Variants in PSG7 observed in about 807,000 individuals in gnomAD.
PSG7 encodes pregnancy-specific beta-1-glycoprotein 7.
In PSG7, 57 loss-of-function variants were observed where a neutral mutation model predicts 45.6. That is an observed-to-expected ratio of 1.25 (90% CI 1.01 to 1.56). The LOEUF is 1.56. Among genes scored for constraint, PSG7 ranks in the 40% most tolerant of loss-of-function variants. The pLI is 0.00. For synonymous variants in PSG7, 298 were observed against 194.4 expected (o/e 1.53, Z -4.43); for missense variants, 796 against 508.4 (o/e 1.57, Z -5.44).
chr19:42,925,603 A>G (rs1475790478), intron 5 of PSG7, 170 bp downstream of exon 5: 24 of 1,453,860 alleles, frequency 1.7e-5, no homozygotes, highest in Middle Eastern at 2.6e-4. Context: ...CCTGTTTGTT[A>G]AAGTTTTCGA....
chr19:42,935,513 C>A lies in PSG7; in HGVS notation c.321G>T (p.Leu107=). Residue 107 remains leucine, a synonymous_variant, in exon 2 of 6, where the codon CTG becomes CTT. Transcript: ENST00000406070. Reference sequence around the variant, plus strand: ...CTTCCTGGGTGACATTCTGGATCAGCAGGGATGCATTGGAATATACTGTTT... The same window carrying A: ...CTTCCTGGGTGACATTCTGGATCAGAAGGGATGCATTGGAATATACTGTTT... ...GRETVYSNAS[L]LIQNVTQEDT... is the part of the protein sequence containing the mutation. 1 of 1,612,224 alleles carries A rather than the reference C, an allele frequency of 6.2e-7. No individual in the cohort carries two copies. Among genetic ancestry groups the A allele is most frequent in the East Asian group, 2.2e-5 (1 of 44,772 alleles).
chr19:42,925,725 T>C (rs1972866931), intron 5 of PSG7, 48 bp downstream of exon 5: 2 of 1,610,332 alleles, frequency 1.2e-6, no homozygotes, highest in Admixed American at 1.7e-5. Context: ...GAAAGTCAGA[T>C]AGACTGCACC....
rs754987684 is a variant in PSG7 at position 42,937,025 on chromosome 19, G to C, written c.52C>G (p.Leu18Val). 54 of 1,611,372 alleles carry C rather than the reference G, an allele frequency of 3.4e-5. 2 individuals carry two copies. Among genetic ancestry groups the C allele is most frequent in the South Asian group, 6.6e-5 (6 of 90,786 alleles). ...PCTQHITWKG[L>V]LLTASLLNFW... ...GTTCTCTCCTCACCTGTGAGCAGGAGCCCTTTCCAGGTTATATGCTGTGTG... is the reference window on the plus strand; with the variant it reads ...GTTCTCTCCTCACCTGTGAGCAGGACCCCTTTCCAGGTTATATGCTGTGTG... Residue 18 changes from leucine to valine, a missense_variant, in exon 1 of 6, where the codon CTC becomes GTC. Leu to Val is a conservative substitution (Grantham distance 32). Coordinates refer to ENST00000406070, the MANE Select transcript of PSG7 (RefSeq NM_002783.3).
At chr19:42,931,429 G>A (rs919517309) in intron 2 of PSG7, among the ~76,000 whole-genome samples, 1 of 151,490 alleles carries the variant, frequency 6.6e-6, no homozygotes, top group Non-Finnish European at 1.5e-5. Flanking sequence ...AAGAGAGGAA[G>A]GATGCCAAAT....
chr19:42,926,510 C>T lies in PSG7; in HGVS notation c.916G>A (p.Gly306Arg), dbSNP rs772821940. The change falls in exon 4 of 6, where the codon GGA becomes AGA. Residue 306 changes from glycine to arginine, a missense_variant. Coordinates refer to ENST00000406070, the MANE Select transcript of PSG7 (RefSeq NM_002783.3). ...TCCCGTATTTCACATTGATAGGGTC[C>T]TGTTTCATTTCTCGTGACACTGGGT... ...ILPSVTRNET[G>R]PYQCEIRDRY... 2.5e-6 allele frequency: 4 copies of T among 1,611,292 alleles called. No homozygotes were observed. The highest frequency in any genetic ancestry group is 3.4e-6 in the Non-Finnish European group (4 of 1,179,008).
At chr19:42,934,951 T>C (rs115396139) in intron 2 of PSG7, among the ~76,000 whole-genome samples, 4,405 of 151,620 alleles carry the variant, frequency 0.029, 282 homozygotes, top group African/African-American at 0.1. Context: ...CAAGAAACCA[T>C]AACCCAGTCC....
At chr19:42,933,307 A>ATATATATTTTTTTTTTTTTTTTTT (rs56691588) in intron 2 of PSG7, among the ~76,000 whole-genome samples, 1 of 13,506 alleles carries the variant, frequency 7.4e-5, no homozygotes, top group African/African-American at 1.7e-4. Context: ...ATATATATAT[A>ATATATATTTTTTTTTTTTTTTTTT]TTTTTTTTTT....
rs1455496075 is a variant in PSG7, at chr19:42,936,884, T to C, written c.64+129A>G. ...GACTGATCTTGAACTCCTGATCTCT[T>C]GATCCACCCACCTCAGCCTCCCAAA... On this transcript the variant is annotated intron_variant, in intron 1 of 5. Transcript: ENST00000406070. 6 of 1,392,530 alleles carry C rather than the reference T, an allele frequency of 4.3e-6. No individual in the cohort carries two copies. In the East Asian group the frequency reaches 1.2e-4, roughly 28 times the overall value. The allele number at this position is 1,392,530 out of a possible 1,614,324, so 86.3% of individuals were successfully genotyped here. A position where few individuals can be genotyped will look rare whatever the true frequency, so the allele number is the denominator to read the frequency against.
rs376480204 is a variant in PSG7, at chr19:42,926,489, G to A, written c.937C>T (p.Arg313Trp). The A allele has an allele frequency of 5.2e-5, 84 of 1,611,454 alleles. 2 individuals are homozygous for A. Among genetic ancestry groups the A allele is most frequent in the Non-Finnish European group, 6.3e-5 (74 of 1,178,962 alleles). ...NETGPYQCEI[R>W]DRYGGIRSDP... ...CTGCGGATGCCACCATATCGGTCCC[G>A]TATTTCACATTGATAGGGTCCTGTT... The change falls in exon 4 of 6, where the codon CGG becomes TGG. Residue 313 changes from arginine to tryptophan, a missense_variant. Coordinates refer to ENST00000406070, the MANE Select transcript of PSG7 (RefSeq NM_002783.3).
chr19:42,935,000 A>G (rs1211809933), intron 2 of PSG7, among the ~76,000 whole-genome samples: 4 of 151,612 alleles, frequency 2.6e-5, no homozygotes, highest in Admixed American at 2.6e-4. Flanking sequence ...GCAAGGATTT[A>G]GGGACAGGGG....
In PSG7 at chr19:42,936,725, G is replaced by A. The variant is rs1568461918; in HGVS notation, c.64+288C>T. On this transcript the variant is annotated intron_variant, in intron 1 of 5. Transcript: ENST00000406070. ...TGCAGTGGTGCTATCTCGGCTAGCT[G>A]CAACTTCTGCCTCCCGGGTTCATGT... 1.3e-5 allele frequency among the ~76,000 whole-genome samples: 2 copies of A among 151,084 alleles called. 1 individual carries two copies.
chr19:42,928,744 C>A (rs1169573886), intron 3 of PSG7, among the ~76,000 whole-genome samples: 3 of 151,388 alleles, frequency 2.0e-5, no homozygotes, highest in Non-Finnish European at 4.4e-5. Flanking sequence ...GCCAGATAGA[C>A]TTCCCTGGAA....
chr19:42,928,364 C>G (rs1204314795), intron 3 of PSG7, among the ~76,000 whole-genome samples: 1 of 151,486 alleles, frequency 6.6e-6, no homozygotes, highest in Admixed American at 6.6e-5. Flanking sequence ...ATCTGCAACT[C>G]ACTTTGCGTA....
At position 42,924,469 on chromosome 19, in the gene PSG7, C is replaced by A; in HGVS notation, c.*339G>T. On this transcript the variant is annotated 3_prime_UTR_variant, in exon 6 of 6. Transcript: ENST00000406070. ...TATACTACATGTGAAATTCTAATGA[C>A]TGCATTATCCTGCCAAGTGAAAGAG... 1 of 542,356 alleles carries A rather than the reference C, an allele frequency of 1.8e-6. No individual in the cohort carries two copies. Among genetic ancestry groups the A allele is most frequent in the Admixed American group, 3.2e-5 (1 of 30,960 alleles). 33.6% of individuals were successfully genotyped at this position (542,356 alleles called of 1,614,324 possible). A position where few individuals can be genotyped will look rare whatever the true frequency, so the allele number is the denominator to read the frequency against.
In PSG7 at chr19:42,935,411, G is replaced by C. The variant is rs1568460798; in HGVS notation, c.423C>G (p.Thr141=). The C allele has an allele frequency of 6.2e-7, 1 of 1,611,670 alleles. No homozygotes were observed. The highest frequency in any genetic ancestry group is 1.7e-5 in the Admixed American group (1 of 59,868). Residue 141 remains threonine (T), a synonymous_variant, in exon 2 of 6, where the codon ACC becomes ACG. Transcript: ENST00000406070. ...TGGVTGRFTF[T]LYLETPKPSI... Reference sequence around the variant, plus strand: ...CCATGTGGAATCACTCACGGTATAAGGTGAAGGTGAAACGTCCAGTTACTC... The same window carrying C: ...CCATGTGGAATCACTCACGGTATAACGTGAAGGTGAAACGTCCAGTTACTC...
intron 3 of PSG7, among the ~76,000 whole-genome samples, chr19:42,928,100 A>G (rs1198951060): frequency 2.0e-5 from 3 of 151,474 alleles, no homozygotes; most frequent in Admixed American, 6.6e-5. Flanking sequence ...CCACGTTTCT[A>G]GCTTGGTGAT....
chr19:42,931,064 T>C (rs1269835966), intron 2 of PSG7, among the ~76,000 whole-genome samples: 1 of 151,612 alleles, frequency 6.6e-6, no homozygotes, highest in African/African-American at 2.4e-5. Flanking sequence ...GCATTTCAGA[T>C]TGTGGATTTC....
chr19:42,924,866 G>A lies in PSG7; in HGVS notation c.1244-42C>T, dbSNP rs748053843. The A allele has an allele frequency of 1.2e-5, 9 of 764,222 alleles. 1 individual carries two copies. The highest frequency in any genetic ancestry group is 2.3e-4 in the Middle Eastern group (1 of 4,430). 47.3% of individuals were successfully genotyped at this position (764,222 alleles called of 1,614,324 possible). A position where few individuals can be genotyped will look rare whatever the true frequency, so the allele number is the denominator to read the frequency against. ...AAACACAGAAACAATGAACAGAGCTGCAATCTCATAACAGGTGTACTACGG... is the reference window on the plus strand; with the variant it reads ...AAACACAGAAACAATGAACAGAGCTACAATCTCATAACAGGTGTACTACGG... On this transcript the variant is annotated intron_variant, in intron 5 of 5. Transcript: ENST00000406070.
chr19:42,931,801 C>G (rs1001856427), intron 2 of PSG7, among the ~76,000 whole-genome samples: 1 of 151,498 alleles, frequency 6.6e-6, no homozygotes, highest in Admixed American at 6.6e-5. Context: ...TATGTTACAG[C>G]CTTTGTAGTT....
Sources: gnomAD v4.1 joint callset for allele counts (sites outside exome capture counted in the v4.1 genomes callset) on GRCh38, gnomAD v4.1.1 for gene constraint, MANE v1.5 for transcripts, NCBI Gene and HGNC (gene_info 2026-07-23, HGNC 2026-07-21) for gene names.